CACNA1E: variants seen among roughly 807,000 people sequenced by gnomAD.
The protein encoded by CACNA1E is voltage-dependent R-type calcium channel subunit alpha-1E.
CACNA1E carries 40 observed loss-of-function variants against 259.2 expected under a neutral mutation model. The observed-to-expected ratio is 0.15, with a 90% CI of 0.12 to 0.20. The LOEUF (loss-of-function observed/expected upper bound fraction) is 0.20, where lower values mean the gene tolerates loss of function less well. CACNA1E is among the 10% of genes least tolerant of loss of function. The pLI is 1.00. For missense variants in CACNA1E, 1,874 were observed against 3,040.1 expected, an observed-to-expected ratio of 0.62 and a Z score of 9.02; for synonymous variants, 1,104 against 1,138.5, an observed-to-expected ratio of 0.97 and a Z score of 0.61.
chr1:181,696,986 T>A (rs927696010), intron 7 of CACNA1E, among the ~76,000 whole-genome samples: 1 of 152,166 alleles, frequency 6.6e-6, no homozygotes, highest in African/African-American at 2.4e-5. Context: ...TTTAATGCCT[T>A]CTTTATAGCC....
intron 20 of CACNA1E, 120 bp downstream of exon 20, chr1:181,733,154 A>G (rs1043819843): frequency 7.3e-7 from 1 of 1,363,860 alleles, no homozygotes; most frequent in Non-Finnish European, 9.7e-7. Flanking sequence ...TGATGCTGAC[A>G]CACACTTTGT....
intron 6 of CACNA1E, among the ~76,000 whole-genome samples, chr1:181,585,293 A>G (rs1293823334): frequency 1.3e-5 from 2 of 152,202 alleles, no homozygotes; most frequent in Non-Finnish European, 2.9e-5. Context: ...AGGAGAGAGT[A>G]GAGGGAGAGG....
intron 1 of CACNA1E, among the ~76,000 whole-genome samples, chr1:181,374,304 G>A (rs1407308021): frequency 6.6e-6 from 1 of 151,532 alleles, no homozygotes; most frequent in East Asian, 1.9e-4. Flanking sequence ...CCATGTAATT[G>A]TATGGTTTTG....
intron 7 of CACNA1E, among the ~76,000 whole-genome samples, chr1:181,681,279 G>T (rs147042838): frequency 6.6e-6 from 1 of 152,192 alleles, no homozygotes; most frequent in African/African-American, 2.4e-5. Context: ...CTGCAAAGCC[G>T]TATTTTCAAC....
At position 181,612,679 on chromosome 1, in the gene CACNA1E, G is replaced by A. The variant is rs143411592; in HGVS notation, c.951+31903G>A. Among the ~76,000 whole-genome samples, 250 of 152,252 alleles carry A rather than the reference G, an allele frequency of 1.6e-3. 5 individuals carry two copies. The highest frequency in any genetic ancestry group is 5.8e-3 in the African/African-American group (243 of 41,542). On this transcript the variant is annotated intron_variant, in intron 6 of 47. Transcript: ENST00000367573. ...TTAAGGCAGCTGGGACAGTTCCATG[G>A]AGGGTAGACTCATGCACAGAGATAT...
rs993562225 is a variant in CACNA1E, at chr1:181,802,724, C to G, written c.*3890C>G. 5.9e-5 allele frequency: 9 copies of G among 152,158 alleles called. No homozygotes were observed. The highest frequency in any genetic ancestry group is 2.2e-4 in the African/African-American group (9 of 41,436). 9.4% of individuals were successfully genotyped at this position (152,158 alleles called of 1,614,324 possible). A position where few individuals can be genotyped will look rare whatever the true frequency, so the allele number is the denominator to read the frequency against. ...AATGCCCACCTACTGGATAAAAGCT[C>G]ACTGCAGGAAAATGAGGTCTCCTGG... On this transcript the variant is annotated 3_prime_UTR_variant, in exon 48 of 48. Coordinates refer to ENST00000367573, the MANE Select transcript of CACNA1E (RefSeq NM_001205293.3).
chr1:181,525,385 G>T (rs1667280188), intron 3 of CACNA1E, among the ~76,000 whole-genome samples: 2 of 152,212 alleles, frequency 1.3e-5, no homozygotes, highest in African/African-American at 4.8e-5. Flanking sequence ...AACTGTTGTT[G>T]CCACCTCTCT....
chr1:181,624,959 T>C (rs1056658726), intron 6 of CACNA1E, among the ~76,000 whole-genome samples: 1 of 152,164 alleles, frequency 6.6e-6, no homozygotes, highest in Non-Finnish European at 1.5e-5. Flanking sequence ...TGTTGTGTTA[T>C]CAGGCATGAA....
intron 1 of CACNA1E, among the ~76,000 whole-genome samples, chr1:181,374,270 A>G (rs180876284): frequency 6.8e-4 from 103 of 152,230 alleles, no homozygotes; most frequent in African/African-American, 2.4e-3. Flanking sequence ...CCCAATGGTC[A>G]TTGATGAGCA....
intron 2 of CACNA1E, among the ~76,000 whole-genome samples, chr1:181,473,723 T>C (rs938168480): frequency 6.6e-6 from 1 of 152,252 alleles, no homozygotes; most frequent in Non-Finnish European, 1.5e-5. Context: ...AGAATCATCA[T>C]GAAATCTCTA....
intron 1 of CACNA1E, among the ~76,000 whole-genome samples, chr1:181,496,040 C>G (rs148358310): frequency 7.6e-4 from 116 of 152,340 alleles, no homozygotes; most frequent in Non-Finnish European, 1.4e-3. Context: ...AGGCCTGGAT[C>G]AGAACTCGTG....
chr1:181,465,197 A>C (rs1223568269), intron 2 of CACNA1E, among the ~76,000 whole-genome samples: 1 of 152,074 alleles, frequency 6.6e-6, no homozygotes, highest in East Asian at 1.9e-4. Context: ...TTAATAATCT[A>C]ATTGCTGCTT....
intron 1 of CACNA1E, among the ~76,000 whole-genome samples, chr1:181,489,961 G>A (rs952600039): frequency 3.3e-5 from 5 of 152,182 alleles, no homozygotes; most frequent in African/African-American, 1.2e-4. Context: ...GCACGTGTGG[G>A]TTCACCCATC....
At chr1:181,654,266 A>AT (rs1659009108) in intron 7 of CACNA1E, among the ~76,000 whole-genome samples, 1 of 150,836 alleles carries the variant, frequency 6.6e-6, no homozygotes, top group African/African-American at 2.4e-5. Flanking sequence ...AAATATAAAA[A>AT]TGAAATAATG....
intron 2 of CACNA1E, among the ~76,000 whole-genome samples, chr1:181,467,264 G>A (rs1449559070): frequency 1.3e-5 from 2 of 152,230 alleles, no homozygotes; most frequent in Non-Finnish European, 1.5e-5. Context: ...GTTGACCAGA[G>A]AAGCTGAAGG....
chr1:181,381,960 C>T (rs781527234), intron 1 of CACNA1E, among the ~76,000 whole-genome samples: 34 of 152,180 alleles, frequency 2.2e-4, no homozygotes, highest in Non-Finnish European at 3.8e-4. Context: ...AATGCTACCA[C>T]GAAAATGTGC....
intron 3 of CACNA1E, among the ~76,000 whole-genome samples, chr1:181,522,003 C>A (rs1028059827): frequency 9.2e-5 from 14 of 152,136 alleles, no homozygotes; most frequent in African/African-American, 3.4e-4. Context: ...CATGTCCAGG[C>A]ATGTTCAGTG....
chr1:181,764,410 T>TC (rs1658852721), intron 34 of CACNA1E, among the ~76,000 whole-genome samples: 1 of 152,220 alleles, frequency 6.6e-6, no homozygotes, highest in Non-Finnish European at 1.5e-5. Flanking sequence ...AAATTGACTT[T>TC]CTTATTTTAA....
At chr1:181,361,161 C>G (rs1653861821) in intron 1 of CACNA1E, among the ~76,000 whole-genome samples, 1 of 152,180 alleles carries the variant, frequency 6.6e-6, no homozygotes. Context: ...CTCTCTGCTC[C>G]TTTCTGAGGG....
Sources: gnomAD v4.1 joint callset for allele counts (sites outside exome capture counted in the v4.1 genomes callset) on GRCh38, gnomAD v4.1.1 for gene constraint, MANE v1.5 for transcripts, NCBI Gene and HGNC (gene_info 2026-07-23, HGNC 2026-07-21) for gene names.